The following PHKB variants were observed in gnomAD, a reference collection of about 807,000 sequenced individuals.
PHKB encodes phosphorylase kinase regulatory subunit beta.
Under a neutral mutation model 152.1 loss-of-function variants are expected in PHKB, and 122 were observed. That is an observed-to-expected ratio of 0.80 (90% CI 0.69 to 0.93). The LOEUF is 0.93. PHKB is among the 40% of genes least tolerant of loss of function. The pLI, the probability that PHKB is intolerant of heterozygous loss-of-function variation, is 0.00. For missense variants in PHKB, 1,304 were observed against 1,328.4 expected (o/e 0.98, Z 0.29); for synonymous variants, 436 against 464.9 (o/e 0.94, Z 0.80).
intron 6 of PHKB, among the ~76,000 whole-genome samples, chr16:47,526,074 C>G (rs1178618603): frequency 6.6e-6 from 1 of 152,072 alleles, no homozygotes; most frequent in Non-Finnish European, 1.5e-5. Flanking sequence ...TCAAGAAGAA[C>G]TAACCAGCCT....
chr16:47,609,859 A>G (rs977986112), intron 13 of PHKB, among the ~76,000 whole-genome samples: 3 of 152,092 alleles, frequency 2.0e-5, no homozygotes, highest in Non-Finnish European at 4.4e-5. Context: ...GCTTTTTAAG[A>G]AACTACTTTT....
At chr16:47,531,448 C>T (rs1970860342) in intron 6 of PHKB, among the ~76,000 whole-genome samples, 1 of 152,134 alleles carries the variant, frequency 6.6e-6, no homozygotes, top group Admixed American at 6.5e-5. Context: ...TGTGTGTTTA[C>T]ATCCCTTGAT....
intron 8 of PHKB, 142 bp from the exon 9 acceptor site, chr16:47,587,526 A>G (rs1320295705): frequency 7.9e-6 from 5 of 635,968 alleles, no homozygotes; most frequent in Admixed American, 2.7e-5. Context: ...TGAAAGTACA[A>G]ACAAAATTTA....
chr16:47,673,095 C>T (rs1358949690), intron 26 of PHKB, among the ~76,000 whole-genome samples: 1 of 151,584 alleles, frequency 6.6e-6, no homozygotes, highest in East Asian at 1.9e-4. Context: ...CAGTTCTAAC[C>T]ACTGGGACTA....
chr16:47,614,196 C>G (rs1470999636), intron 14 of PHKB, among the ~76,000 whole-genome samples: 1 of 152,084 alleles, frequency 6.6e-6, no homozygotes, highest in Non-Finnish European at 1.5e-5. Context: ...TTTAAACAAC[C>G]AGATCTTATG....
Position 47,610,842 on chromosome 16 carries a change from T to C in PHKB, c.1380T>C (p.Ser460=). 1 of 1,603,290 alleles carries C rather than the reference T, an allele frequency of 6.2e-7. No individual in the cohort carries two copies. Among genetic ancestry groups the C allele is most frequent in the Non-Finnish European group, 8.5e-7 (1 of 1,170,280 alleles). The part of the protein sequence containing the change: ...IAKLLADELI[S]PKDIDPVQRY... ...TTTTTTCAGCTGATGAACTTATTAG[T>C]CCTAAAGACATTGATCCTGTCCAGC... The change falls in exon 14 of 31, where the codon AGT becomes AGC. Residue 460 remains serine, a synonymous_variant. Coordinates refer to ENST00000323584, the MANE Select transcript of PHKB (RefSeq NM_000293.3).
In PHKB at chr16:47,698,723, C is replaced by T. The variant is rs1974198447; in HGVS notation, c.3144+135C>T. The T allele has an allele frequency of 1.9e-5, 14 of 735,682 alleles. No homozygotes were observed. In the Admixed American group the frequency reaches 4.4e-4, roughly 23 times the overall value. 45.6% of individuals were successfully genotyped at this position (735,682 alleles called of 1,614,324 possible). A position where few individuals can be genotyped will look rare whatever the true frequency, so the allele number is the denominator to read the frequency against. On this transcript the variant is annotated intron_variant, in intron 30 of 30. Coordinates refer to ENST00000323584, the MANE Select transcript of PHKB (RefSeq NM_000293.3). Reference sequence around the variant, plus strand: ...GGTGCAAAATAGGATACTTGAGGGGCAGTCTGCCTTTTTCGAGGAATTAAT... The same window carrying T: ...GGTGCAAAATAGGATACTTGAGGGGTAGTCTGCCTTTTTCGAGGAATTAAT...
At chr16:47,684,252 G>T (rs1973919890) in intron 26 of PHKB, among the ~76,000 whole-genome samples, 1 of 151,970 alleles carries the variant, frequency 6.6e-6, no homozygotes, top group Admixed American at 6.5e-5. Context: ...AGGATTGCTT[G>T]AGGTGGACAT....
At chr16:47,698,637 T>C (rs1418397545) in intron 30 of PHKB, 49 bp downstream of exon 30, 1 of 1,381,544 alleles carries the variant, frequency 7.2e-7, no homozygotes, top group Non-Finnish European at 9.8e-7. Context: ...ATTTTTTCAT[T>C]GTCTCAATTC....
chr16:47,698,153 G>A (rs1357188327), intron 29 of PHKB, among the ~76,000 whole-genome samples: 1 of 152,132 alleles, frequency 6.6e-6, no homozygotes, highest in Non-Finnish European at 1.5e-5. Flanking sequence ...TGGGTGAATA[G>A]GGTATCATGT....
chr16:47,586,637 G>C (rs2054517189), intron 8 of PHKB, among the ~76,000 whole-genome samples: 1 of 152,212 alleles, frequency 6.6e-6, no homozygotes, highest in Non-Finnish European at 1.5e-5. Flanking sequence ...AGATATTTTT[G>C]TTTCAGTTTG....
intron 13 of PHKB, among the ~76,000 whole-genome samples, chr16:47,605,864 A>G (rs938859473): frequency 2.6e-5 from 4 of 152,144 alleles, no homozygotes; most frequent in Non-Finnish European, 5.9e-5. Flanking sequence ...CAGTGTTCTT[A>G]AAGGGCAGGA....
chr16:47,684,169 C>CA (rs200284825), intron 26 of PHKB, among the ~76,000 whole-genome samples: 3,282 of 151,632 alleles, frequency 0.022, 62 homozygotes, highest in Non-Finnish European at 0.038. Context: ...CCCTTCTCTA[C>CA]AAAAAAATTA....
intron 6 of PHKB, among the ~76,000 whole-genome samples, chr16:47,536,358 A>G (rs1034577725): frequency 6.6e-6 from 1 of 152,046 alleles, no homozygotes; most frequent in Non-Finnish European, 1.5e-5. Flanking sequence ...GCCGATCTTT[A>G]TTTTTATATT....
At chr16:47,654,942 T>C (rs1973308504) in intron 20 of PHKB, among the ~76,000 whole-genome samples, 1 of 151,134 alleles carries the variant, frequency 6.6e-6, no homozygotes, top group Non-Finnish European at 1.5e-5. Flanking sequence ...CCCCAAAAAC[T>C]TAAAATATAA....
At chr16:47,582,476 T>C (rs1358461447) in intron 8 of PHKB, among the ~76,000 whole-genome samples, 2 of 152,216 alleles carry the variant, frequency 1.3e-5, no homozygotes, top group Non-Finnish European at 2.9e-5. Flanking sequence ...ATTGCTGATA[T>C]TGTTCCTCAG....
intron 1 of PHKB, among the ~76,000 whole-genome samples, chr16:47,472,153 C>G (rs1034183153): frequency 6.6e-6 from 1 of 152,178 alleles, no homozygotes; most frequent in Non-Finnish European, 1.5e-5. Context: ...TCTGTTTTCA[C>G]ATTTTAAAAT....
intron 26 of PHKB, among the ~76,000 whole-genome samples, chr16:47,681,753 G>A (rs1973861642): frequency 6.6e-6 from 1 of 152,124 alleles, no homozygotes; most frequent in Non-Finnish European, 1.5e-5. Context: ...TTTAGTTGGA[G>A]CATTTAGCCC....
chr16:47,504,022 G>A (rs531054408), intron 4 of PHKB, among the ~76,000 whole-genome samples: 1 of 152,254 alleles, frequency 6.6e-6, no homozygotes, highest in South Asian at 2.1e-4. Context: ...ATGCATATGG[G>A]TCCCTAAGAC....
Sources: gnomAD v4.1 joint callset for allele counts (sites outside exome capture counted in the v4.1 genomes callset) on GRCh38, gnomAD v4.1.1 for gene constraint, MANE v1.5 for transcripts, NCBI Gene and HGNC (gene_info 2026-07-23, HGNC 2026-07-21) for gene names.